Variants in LCLAT1 observed in about 807,000 individuals in gnomAD.
The protein encoded by LCLAT1 is lysocardiolipin acyltransferase 1.
Under a neutral mutation model 30.7 loss-of-function variants are expected in LCLAT1, and 11 were observed. The observed-to-expected ratio is 0.36, with a 90% confidence interval of 0.23 to 0.59. LCLAT1 has a LOEUF of 0.59. Among genes scored for constraint, LCLAT1 ranks in the 20% least tolerant of loss-of-function variants. The probability of loss-of-function intolerance (pLI) is 0.77; values close to 1 mark genes in which losing one functional copy is unlikely to be tolerated. For synonymous variants in LCLAT1, 155 were observed against 151.3 expected, an observed-to-expected ratio of 1.02 and a Z score of -0.18; for missense variants, 402 against 458.6, an observed-to-expected ratio of 0.88 and a Z score of 1.13.
chr2:30,572,662 A>G (rs1220520557), intron 5 of LCLAT1, among the ~76,000 whole-genome samples: 1 of 152,098 alleles, frequency 6.6e-6, no homozygotes, highest in Admixed American at 6.5e-5. Context: ...TTTCCACTGT[A>G]TAAGAAGCTT....
At chr2:30,584,781 C>T (rs977962001) in intron 5 of LCLAT1, among the ~76,000 whole-genome samples, 2 of 152,092 alleles carry the variant, frequency 1.3e-5, no homozygotes, top group African/African-American at 2.4e-5. Flanking sequence ...ATATTCTAGA[C>T]TAATATAAAA....
intron 1 of LCLAT1, among the ~76,000 whole-genome samples, chr2:30,503,805 A>G (rs1684515922): frequency 6.6e-6 from 1 of 152,250 alleles, no homozygotes; most frequent in Non-Finnish European, 1.5e-5. Context: ...TACCACAAAA[A>G]ATAATGTCAA....
chr2:30,590,571 G>C (rs1666646235), intron 5 of LCLAT1, among the ~76,000 whole-genome samples: 1 of 149,458 alleles, frequency 6.7e-6, no homozygotes, highest in South Asian at 2.1e-4. Context: ...GGAGTGATGA[G>C]GCATGGCTTT....
intron 3 of LCLAT1, among the ~76,000 whole-genome samples, chr2:30,546,414 C>T (rs1664414371): frequency 6.6e-6 from 1 of 152,074 alleles, no homozygotes; most frequent in Non-Finnish European, 1.5e-5. Flanking sequence ...AAAAACAACT[C>T]AGTTACAATG....
intron 5 of LCLAT1, among the ~76,000 whole-genome samples, chr2:30,610,584 T>A (rs139955809): frequency 6.6e-6 from 1 of 152,276 alleles, no homozygotes; most frequent in East Asian, 1.9e-4. Context: ...TGAATAGTTA[T>A]ATAAGCCTAG....
intron 1 of LCLAT1, among the ~76,000 whole-genome samples, chr2:30,482,977 C>G (rs1683392876): frequency 1.3e-5 from 2 of 152,044 alleles, no homozygotes; most frequent in African/African-American, 4.8e-5. Context: ...CCAAGGGAGA[C>G]ATGATGGCTA....
At chr2:30,638,233 G>A (rs1247815135) in intron 5 of LCLAT1, among the ~76,000 whole-genome samples, 1 of 152,210 alleles carries the variant, frequency 6.6e-6, no homozygotes, top group South Asian at 2.1e-4. Flanking sequence ...AACCTGTTCA[G>A]TGGAAAGGGT....
chr2:30,609,147 C>T (rs1009633326), intron 5 of LCLAT1, among the ~76,000 whole-genome samples: 3 of 151,012 alleles, frequency 2.0e-5, no homozygotes, highest in Admixed American at 6.6e-5. Flanking sequence ...CTTGTTAATT[C>T]GCACTAGTTC....
At chr2:30,549,920 C>G (rs950030092) in intron 3 of LCLAT1, among the ~76,000 whole-genome samples, 2 of 152,090 alleles carry the variant, frequency 1.3e-5, no homozygotes, top group Non-Finnish European at 2.9e-5. Context: ...TAATGAATAC[C>G]AGGCAGGGAC....
intron 1 of LCLAT1, among the ~76,000 whole-genome samples, chr2:30,499,533 A>G (rs1684267151): frequency 6.6e-6 from 1 of 152,170 alleles, no homozygotes; most frequent in African/African-American, 2.4e-5. Flanking sequence ...ATTTTTGGAT[A>G]AAGAGTTTCG....
intron 5 of LCLAT1, among the ~76,000 whole-genome samples, chr2:30,622,488 G>A (rs1411903108): frequency 1.3e-5 from 2 of 152,100 alleles, no homozygotes; most frequent in Non-Finnish European, 2.9e-5. Context: ...CCTAGCTGGA[G>A]GTCAGCCAAC....
At chr2:30,627,175 G>A (rs1053712403) in intron 5 of LCLAT1, among the ~76,000 whole-genome samples, 1 of 152,134 alleles carries the variant, frequency 6.6e-6, no homozygotes, top group African/African-American at 2.4e-5. Flanking sequence ...TTGCAAGATG[G>A]GGTGTCTGGT....
At chr2:30,607,498 G>A (rs1278965573) in intron 5 of LCLAT1, 1 of 152,010 alleles carries the variant, frequency 6.6e-6, no homozygotes, top group African/African-American at 2.4e-5. Context: ...ATCACCTGGT[G>A]ACATCATCAC....
At chr2:30,583,805 G>C (rs971471030) in intron 5 of LCLAT1, among the ~76,000 whole-genome samples, 3 of 152,084 alleles carry the variant, frequency 2.0e-5, no homozygotes, top group Non-Finnish European at 2.9e-5. Context: ...TGTGGTGTTT[G>C]TGTAGCCACT....
intron 5 of LCLAT1, among the ~76,000 whole-genome samples, chr2:30,594,571 G>C (rs1419062702): frequency 6.6e-6 from 1 of 152,130 alleles, no homozygotes; most frequent in African/African-American, 2.4e-5. Context: ...GTGTGTATGT[G>C]CATGTGTATG....
At chr2:30,620,263 C>G (rs973984923) in intron 5 of LCLAT1, among the ~76,000 whole-genome samples, 2 of 152,158 alleles carry the variant, frequency 1.3e-5, no homozygotes, top group African/African-American at 4.8e-5. Flanking sequence ...TGTATGTGAT[C>G]ATCATCTCTT....
chr2:30,608,413 TTTA>T (rs768754772), intron 5 of LCLAT1, among the ~76,000 whole-genome samples: 1 of 152,024 alleles, frequency 6.6e-6, no homozygotes, highest in Non-Finnish European at 1.5e-5. Context: ...GTGTACAGTG[TTTA>T]TTAAAGTCTA....
At chr2:30,600,217 C>A (rs989818827) in intron 5 of LCLAT1, among the ~76,000 whole-genome samples, 1 of 152,124 alleles carries the variant, frequency 6.6e-6, no homozygotes. Context: ...GAAACTCACT[C>A]AAAACCATAC....
chr2:30,508,358 TC>T (rs1299616075), intron 1 of LCLAT1, among the ~76,000 whole-genome samples: 1 of 152,188 alleles, frequency 6.6e-6, no homozygotes, highest in Non-Finnish European at 1.5e-5. Context: ...CTTTGCCAGT[TC>T]CTATGTCCAG....
Sources: allele counts gnomAD v4.1 joint callset (sites outside exome capture counted in the v4.1 genomes callset), GRCh38; gene constraint gnomAD v4.1.1; transcripts MANE v1.5; gene names NCBI Gene and HGNC (gene_info 2026-07-23, HGNC 2026-07-21).